Variants in KLRD1 observed in about 807,000 individuals in gnomAD.
The protein encoded by KLRD1 is natural killer cells antigen CD94.
Under a neutral mutation model 22.6 loss-of-function variants are expected in KLRD1, and 21 were observed. The observed-to-expected ratio is 0.93, with a 90% CI of 0.66 to 1.34. KLRD1 has a LOEUF of 1.34. Among genes scored for constraint, KLRD1 ranks in the 40% most tolerant of loss-of-function variants. KLRD1 has a pLI of 0.00. For missense variants in KLRD1, 183 were observed against 208.6 expected, an observed-to-expected ratio of 0.88 and a Z score of 0.76; for synonymous variants, 59 against 71.1, an observed-to-expected ratio of 0.83 and a Z score of 0.85.
chr12:10,314,589 A>T, intron 5 of KLRD1, 84 bp from the exon 6 acceptor site: 1 of 1,299,374 alleles, frequency 7.7e-7, no homozygotes, highest in Non-Finnish European at 1.0e-6. Flanking sequence ...AAATGCTTTT[A>T]AAATTTATAT....
intron 1 of KLRD1, among the ~76,000 whole-genome samples, chr12:10,244,261 G>A (rs1054968078): frequency 1.3e-5 from 2 of 152,112 alleles, no homozygotes; most frequent in Admixed American, 6.5e-5. Context: ...AGGAAGACAA[G>A]CAAACGCCTA....
intron 1 of KLRD1, among the ~76,000 whole-genome samples, chr12:10,285,591 C>T: frequency 6.6e-6 from 1 of 152,118 alleles, no homozygotes; most frequent in Non-Finnish European, 1.5e-5. Flanking sequence ...CTTCATGGTA[C>T]CTTAAAGTTG....
upstream of KLRD1, among the ~76,000 whole-genome samples, chr12:10,305,284 A>G (rs1949905548): frequency 6.6e-6 from 1 of 152,224 alleles, no homozygotes; most frequent in Admixed American, 6.5e-5. Context: ...TTCTTTTGGC[A>G]GGATACCTAA....
In KLRD1 at chr12:10,246,928, C is replaced by CTTTTTTT. The variant is rs1208226436; in HGVS notation, c.-101+20699_-101+20700insTTTTTTT. Among the ~76,000 whole-genome samples, 227 of 129,642 alleles carry CTTTTTTT rather than the reference C, an allele frequency of 1.8e-3. 1 individual carries two copies. The highest frequency in any genetic ancestry group is 6.7e-3 in the East Asian group (26 of 3,862). The allele number at this position is 129,642 out of a possible 152,430, so 85.1% of individuals were successfully genotyped here. A position where few individuals can be genotyped will look rare whatever the true frequency, so the allele number is the denominator to read the frequency against. On this transcript the variant is annotated intron_variant, in intron 1 of 5. Transcript: ENST00000544747. ...TTCTTTTTTCTTTTTCTTTTCTTTT[C>CTTTTTTT]TTTTCTTTTTTTTTTTTTTTTTGAG...
rs768246650 is a variant in KLRD1, at chr12:10,313,453, C to A, written c.359C>A (p.Ser120Tyr). 1.1e-5 allele frequency: 18 copies of A among 1,609,394 alleles called. No homozygotes were observed. Among genetic ancestry groups the A allele is most frequent in the Non-Finnish European group, 1.4e-5 (16 of 1,177,754 alleles). ...SSQQFYWIGL[S>Y]YSEEHTAWLW... The stretch of plus-strand genomic sequence containing the variant: ...CAACAATTTTACTGGATTGGACTCT[C>A]TTACAGTGAGGAGCACACCGCCTGG... The change falls in exon 5 of 6, where the codon TCT becomes TAT. Residue 120 changes from serine to tyrosine, a missense_variant. Ser to Tyr is a moderately radical substitution (Grantham distance 144). Coordinates refer to ENST00000336164, the MANE Select transcript of KLRD1 (RefSeq NM_002262.5).
At chr12:10,264,257 CTTCTAA>C (rs1193522302) in intron 1 of KLRD1, among the ~76,000 whole-genome samples, 1 of 152,078 alleles carries the variant, frequency 6.6e-6, no homozygotes, top group Non-Finnish European at 1.5e-5. Flanking sequence ...CAGGGAACTA[CTTCTAA>C]TGGTTCAACT....
At position 10,291,502 on chromosome 12, in the gene KLRD1, A is replaced by G. The variant is rs1949769949; in HGVS notation, c.-100-16476A>G. On this transcript the variant is annotated intron_variant, in intron 1 of 5. Coordinates refer to the KLRD1 transcript ENST00000544747. ...TGTTGTCATTTCAACAATGTTCACAACATCTTCACCAGGAGTAGATTCCAT... is the reference window on the plus strand; with the variant it reads ...TGTTGTCATTTCAACAATGTTCACAGCATCTTCACCAGGAGTAGATTCCAT... Among the ~76,000 whole-genome samples the G allele has an allele frequency of 3.9e-5, 6 of 152,234 alleles. No homozygotes were observed. In the South Asian group the frequency reaches 1.2e-3, roughly 32 times the overall value.
chr12:10,271,079 C>T (rs1047296882), intron 1 of KLRD1, among the ~76,000 whole-genome samples: 8 of 146,238 alleles, frequency 5.5e-5, no homozygotes, highest in East Asian at 4.1e-4. Flanking sequence ...CCACCGCAGC[C>T]GCCTCCACTC....
At chr12:10,298,726 T>C (rs1052477887) in intron 1 of KLRD1, among the ~76,000 whole-genome samples, 1 of 152,242 alleles carries the variant, frequency 6.6e-6, no homozygotes, top group Non-Finnish European at 1.5e-5. Flanking sequence ...TGCAGTTAAC[T>C]AGCCAGACCC....
At chr12:10,296,823 C>T (rs1268804194) in intron 1 of KLRD1, among the ~76,000 whole-genome samples, 3 of 152,176 alleles carry the variant, frequency 2.0e-5, no homozygotes, top group Non-Finnish European at 4.4e-5. Flanking sequence ...GGGATTCATA[C>T]ATATGTTTCG....
chr12:10,300,338 C>T (rs1488417090), upstream of KLRD1, among the ~76,000 whole-genome samples: 1 of 152,104 alleles, frequency 6.6e-6, no homozygotes, highest in East Asian at 1.9e-4. Context: ...GGATGTTGTG[C>T]TAGAAGGCAA....
intron 1 of KLRD1, among the ~76,000 whole-genome samples, chr12:10,292,551 T>C (rs1949779814): frequency 6.6e-6 from 1 of 152,192 alleles, no homozygotes; most frequent in Admixed American, 6.5e-5. Flanking sequence ...GAAATCTTTT[T>C]TTCTGAGCAC....
At chr12:10,308,475 A>G (rs562168068) in intron 1 of KLRD1, 15 of 222,448 alleles carry the variant, frequency 6.7e-5, no homozygotes, top group Non-Finnish European at 1.1e-4. Context: ...AAATTACACA[A>G]ATGAACAGTT....
At position 10,323,361 on chromosome 12, in the gene KLRD1, G is replaced by A. The variant is rs1359478136; in HGVS notation, c.*8568G>A. 1 of 151,886 alleles carries A rather than the reference G, an allele frequency of 6.6e-6. No homozygotes were observed. The highest frequency in any genetic ancestry group is 1.5e-5 in the Non-Finnish European group (1 of 67,994). The allele number at this position is 151,886 out of a possible 1,614,324, so 9.4% of individuals were successfully genotyped here. A position where few individuals can be genotyped will look rare whatever the true frequency, so the allele number is the denominator to read the frequency against. ...AATTATTTTAGTCTAAGGACCTTCTGGATACTATGCATTTGCATACAATTG... is the reference window on the plus strand; with the variant it reads ...AATTATTTTAGTCTAAGGACCTTCTAGATACTATGCATTTGCATACAATTG... On this transcript the variant is annotated 3_prime_UTR_variant, in exon 6 of 6. Coordinates refer to ENST00000336164, the MANE Select transcript of KLRD1 (RefSeq NM_002262.5).
intron 1 of KLRD1, among the ~76,000 whole-genome samples, chr12:10,277,275 G>A (rs761923306): frequency 1.3e-5 from 2 of 152,012 alleles, no homozygotes; most frequent in Non-Finnish European, 2.9e-5. Context: ...GAAATATTTA[G>A]ACCTTTAATA....
chr12:10,307,886 A>G lies in KLRD1; in HGVS notation c.-192A>G. 1 of 599,804 alleles carries G rather than the reference A, an allele frequency of 1.7e-6. No individual in the cohort carries two copies. Among genetic ancestry groups the G allele is most frequent in the South Asian group, 2.0e-5 (1 of 49,528 alleles). The allele number at this position is 599,804 out of a possible 1,614,324, so 37.2% of individuals were successfully genotyped here. The stretch of plus-strand genomic sequence containing the variant: ...CTGCTTCTTATTCACACTATAATAC[A>G]TGTCTCACCAATAGATGATTCAAGA... On this transcript the variant is annotated 5_prime_UTR_variant, in exon 1 of 6. It removes an upstream start codon present in the reference 5' UTR. Transcript: ENST00000336164.
At chr12:10,250,283 C>A (rs890076706) in intron 1 of KLRD1, among the ~76,000 whole-genome samples, 5 of 148,378 alleles carry the variant, frequency 3.4e-5, no homozygotes, top group Non-Finnish European at 5.9e-5. Flanking sequence ...GAAAAAAGTT[C>A]CCCTGAGTCA....
At position 10,324,339 on chromosome 12, in the gene KLRD1, T is replaced by A. The variant is rs560662041; in HGVS notation, c.*9546T>A. 6.6e-6 allele frequency: 1 copy of A among 152,326 alleles called. No homozygotes were observed. The highest frequency in any genetic ancestry group is 1.9e-4 in the East Asian group (1 of 5,182). The allele number at this position is 152,326 out of a possible 1,614,324, so 9.4% of individuals were successfully genotyped here. A position where few individuals can be genotyped will look rare whatever the true frequency, so the allele number is the denominator to read the frequency against. ...TGGTGTACAGATAATTTTGTCATCC[T>A]GGTAATCAGCATAGTACCTGACAGG... is the stretch of plus-strand genomic sequence containing the variant. On this transcript the variant is annotated 3_prime_UTR_variant, in exon 6 of 6. Transcript: ENST00000336164.
At chr12:10,288,368 C>G (rs1295549207) in intron 1 of KLRD1, among the ~76,000 whole-genome samples, 1 of 151,890 alleles carries the variant, frequency 6.6e-6, no homozygotes, top group Non-Finnish European at 1.5e-5. Flanking sequence ...TTCAATATAT[C>G]TGTGGCAATT....
Sources: allele counts gnomAD v4.1 joint callset (sites outside exome capture counted in the v4.1 genomes callset), GRCh38; gene constraint gnomAD v4.1.1; transcripts MANE v1.5; gene names NCBI Gene and HGNC (gene_info 2026-07-23, HGNC 2026-07-21).